The following CHEK1 variants were observed in gnomAD, a reference collection of about 807,000 sequenced individuals.
CHEK1 encodes the protein serine/threonine-protein kinase Chk1.
In CHEK1, 32 loss-of-function variants were observed where a neutral mutation model predicts 60.2. The ratio of observed to expected loss-of-function variants is 0.53; its 90% CI spans 0.40 to 0.71. The LOEUF is 0.71. CHEK1 is among the 30% of genes least tolerant of loss of function. The pLI is 0.00. For missense variants in CHEK1, 399 were observed against 564.6 expected (o/e 0.71, Z 2.97); for synonymous variants, 179 against 187.2 (o/e 0.96, Z 0.36).
chr11:125,633,292 A>T lies in CHEK1; in HGVS notation c.554A>T (p.His185Leu). 1.2e-6 allele frequency: 2 copies of T among 1,607,086 alleles called. No homozygotes were observed. The highest frequency in any genetic ancestry group is 1.7e-6 in the Non-Finnish European group (2 of 1,178,052). Residue 185 changes from histidine (H) to leucine (L), a missense_variant, in exon 6 of 13, where the codon CAT (histidine) becomes CTT (leucine). By Grantham distance (99) the His-to-Leu change is moderately conservative. Transcript: ENST00000438015. ...GAACTTCTGAAGAGAAGAGAATTTC[A>T]TGCAGAACCAGTTGATGTTTGGTCC... ...APELLKRREF[H>L]AEPVDVWSCG...
intron 2 of CHEK1, 125 bp downstream of exon 2, chr11:125,626,958 C>A: frequency 3.0e-6 from 3 of 991,990 alleles, no homozygotes; most frequent in Non-Finnish European, 3.0e-6. Flanking sequence ...AGTTACACAG[C>A]CTTTTGCTAG....
chr11:125,674,797 CAATA>C (rs1942407854), intron 13 of CHEK1, among the ~76,000 whole-genome samples: 1 of 152,308 alleles, frequency 6.6e-6, no homozygotes, highest in Non-Finnish European at 1.5e-5. Flanking sequence ...TGTCTGGAAG[CAATA>C]AATAAAGGAG....
chr11:125,647,080 T>C (rs1201285957), intron 11 of CHEK1, among the ~76,000 whole-genome samples: 1 of 152,190 alleles, frequency 6.6e-6, no homozygotes, highest in African/African-American at 2.4e-5. Flanking sequence ...TGCTTTCTTT[T>C]AGGAGTCCCA....
At chr11:125,678,322 G>C, downstream of CHEK1, 1 of 1,607,286 alleles carries the variant, frequency 6.2e-7, no homozygotes, top group East Asian at 2.2e-5. Context: ...GAACAGAAGA[G>C]AGTTGGTGAA....
downstream of CHEK1, chr11:125,678,243 A>C (rs764429478): frequency 6.2e-7 from 1 of 1,614,220 alleles, no homozygotes; most frequent in Admixed American, 1.7e-5. Context: ...AAGTTGCTGA[A>C]CTGAAGTTTG....
intron 12 of CHEK1, among the ~76,000 whole-genome samples, chr11:125,654,728 G>A (rs1037099658): frequency 7.2e-5 from 11 of 152,132 alleles, no homozygotes; most frequent in Non-Finnish European, 1.3e-4. Context: ...AGCATTTGCC[G>A]CAGTACTCTT....
At chr11:125,639,744 G>A (rs1363287337) in intron 8 of CHEK1, among the ~76,000 whole-genome samples, 5 of 152,096 alleles carry the variant, frequency 3.3e-5, no homozygotes, top group Non-Finnish European at 7.4e-5. Context: ...ACTGGGAAAT[G>A]AAAGCCACAA....
intron 13 of CHEK1, among the ~76,000 whole-genome samples, chr11:125,668,423 C>G (rs1363619558): frequency 6.6e-6 from 1 of 152,186 alleles, no homozygotes; most frequent in Non-Finnish European, 1.5e-5. Flanking sequence ...ATGATGTATA[C>G]TCAATTGTTG....
intron 8 of CHEK1, among the ~76,000 whole-genome samples, chr11:125,639,008 C>T (rs1284136619): frequency 6.6e-6 from 1 of 152,148 alleles, no homozygotes; most frequent in Admixed American, 6.6e-5. Context: ...AATTCTATCT[C>T]TTCAGTCTCT....
At chr11:125,665,869 C>CTTTTTTTTTTTTTTTT (rs66560397) in intron 13 of CHEK1, among the ~76,000 whole-genome samples, 1 of 30,514 alleles carries the variant, frequency 3.3e-5, no homozygotes, top group Non-Finnish European at 5.8e-5. Context: ...CTTCATTCCC[C>CTTTTTTTTTTTTTTTT]TTTTTTTTTT....
At chr11:125,639,395 T>TTC (rs1555070438) in intron 8 of CHEK1, among the ~76,000 whole-genome samples, 2 of 147,370 alleles carry the variant, frequency 1.4e-5, no homozygotes, top group Non-Finnish European at 3.0e-5. Context: ...TTTTTTTTTT[T>TTC]TTTTTTTGAG....
intron 11 of CHEK1, among the ~76,000 whole-genome samples, chr11:125,648,635 T>C (rs981784425): frequency 1.5e-4 from 17 of 113,992 alleles, no homozygotes; most frequent in Non-Finnish European, 3.2e-4. Context: ...ATTGTTTTAC[T>C]TTTTTTTTTT....
At chr11:125,677,829 G>A, downstream of CHEK1, 1 of 1,614,154 alleles carries the variant, frequency 6.2e-7, no homozygotes, top group Non-Finnish European at 8.5e-7. Flanking sequence ...TGCACCTGAA[G>A]CCTGTTCCCC....
chr11:125,633,344 C>T lies in CHEK1; in HGVS notation c.606C>T (p.Leu202=), dbSNP rs190137928. 3.9e-5 allele frequency: 60 copies of T among 1,544,322 alleles called. No individual in the cohort carries two copies. The Middle Eastern group carries it at 1.0e-3, about 26-fold the overall frequency. ...GTGGAATAGTACTTACTGCAATGCT[C>T]GCTGGAGGTAAGAGCTATTTAATCA... ...WSCGIVLTAM[L]AGELPWDQPS... Residue 202 remains leucine, a synonymous_variant, in exon 6 of 13, where the codon CTC becomes CTT. Transcript: ENST00000438015.
intron 11 of CHEK1, among the ~76,000 whole-genome samples, chr11:125,648,701 C>G (rs1448880590): frequency 1.3e-5 from 2 of 150,722 alleles, no homozygotes; most frequent in African/African-American, 4.9e-5. Flanking sequence ...GCTAGGACTT[C>G]CAACATTATG....
rs575847368 is a variant in CHEK1 at position 125,631,889 on chromosome 11, G to T, written c.425-1274G>T. Among the ~76,000 whole-genome samples the T allele has an allele frequency of 1.2e-3, 160 of 136,440 alleles. 1 individual carries two copies. Among genetic ancestry groups the T allele is most frequent in the African/African-American group, 4.0e-3 (150 of 37,494 alleles). The allele number at this position is 136,440 out of a possible 152,430, so 89.5% of individuals were successfully genotyped here. A position where few individuals can be genotyped will look rare whatever the true frequency, so the allele number is the denominator to read the frequency against. ...AAAAAAAAAAAAAAAAAAAAAAAAA[G>T]GGTAATCACAGTAGCTACCTCCTAA... On this transcript the variant is annotated intron_variant, in intron 5 of 12. Coordinates refer to ENST00000438015, the MANE Select transcript of CHEK1 (RefSeq NM_001114122.3).
intron 13 of CHEK1, among the ~76,000 whole-genome samples, chr11:125,665,869 CTTTTTTTTTTTT>C (rs66560397): frequency 2.6e-4 from 8 of 30,516 alleles, no homozygotes; most frequent in African/African-American, 7.0e-4. Context: ...CTTCATTCCC[CTTTTTTTTTTTT>C]TTTTTTTTTT....
downstream of CHEK1, among the ~76,000 whole-genome samples, chr11:125,678,978 T>TTTTATATATATATATATA (rs1555078664): frequency 3.4e-5 from 3 of 88,444 alleles, no homozygotes; most frequent in Admixed American, 2.9e-4. Flanking sequence ...TCTAGGCATA[T>TTTTATATATATATATATA]TATATATATA....
At chr11:125,669,176 G>A (rs943675758) in intron 13 of CHEK1, among the ~76,000 whole-genome samples, 9 of 152,216 alleles carry the variant, frequency 5.9e-5, no homozygotes, top group East Asian at 3.9e-4. Flanking sequence ...GGGTTTCCAC[G>A]TGGTATTGTT....
Sources: allele counts gnomAD v4.1 joint callset (sites outside exome capture counted in the v4.1 genomes callset), GRCh38; gene constraint gnomAD v4.1.1; transcripts MANE v1.5; gene names NCBI Gene and HGNC (gene_info 2026-07-23, HGNC 2026-07-21).